METTL15: variants seen among roughly 807,000 people sequenced by gnomAD.
METTL15 encodes the protein methyltransferase 15, mitochondrial 12S rRNA N4-cytidine, also known as 12S rRNA N(4)-cytidine methyltransferase METTL15.
In METTL15, 34 loss-of-function variants were observed where a neutral mutation model predicts 38.3. The observed-to-expected ratio is 0.89, with a 90% CI of 0.68 to 1.18. METTL15 has a LOEUF of 1.18. METTL15 is among the 50% of genes most tolerant of loss of function. The pLI is 0.00. For missense variants in METTL15, 438 were observed against 498.4 expected (o/e 0.88, Z 1.15); for synonymous variants, 162 against 170.9 (o/e 0.95, Z 0.41).
At chr11:28,313,485 A>G (rs1288711219) in intron 6 of METTL15, among the ~76,000 whole-genome samples, 3 of 151,890 alleles carry the variant, frequency 2.0e-5, no homozygotes, top group Admixed American at 2.0e-4. Flanking sequence ...AAAGTACAGG[A>G]TTTTTATTTT....
chr11:28,451,453 C>T (rs745688936), intron 6 of METTL15, among the ~76,000 whole-genome samples: 2 of 151,718 alleles, frequency 1.3e-5, no homozygotes, highest in African/African-American at 2.4e-5. Flanking sequence ...GGCGTGGTGG[C>T]GGGCACCTGT....
chr11:28,160,510 A>G (rs191135218), intron 3 of METTL15, among the ~76,000 whole-genome samples: 109 of 152,190 alleles, frequency 7.2e-4, no homozygotes, highest in African/African-American at 2.4e-3. Context: ...GATTTCCTTG[A>G]TATTCTTTAT....
intron 3 of METTL15, among the ~76,000 whole-genome samples, chr11:28,204,669 T>A (rs1229123002): frequency 6.6e-6 from 1 of 151,900 alleles, no homozygotes; most frequent in African/African-American, 2.4e-5. Flanking sequence ...ACTTACTAGT[T>A]TAGTGCAGTC....
chr11:28,469,600 C>A (rs942809467), intron 6 of METTL15, among the ~76,000 whole-genome samples: 3 of 152,072 alleles, frequency 2.0e-5, no homozygotes, highest in Non-Finnish European at 4.4e-5. Flanking sequence ...GCTTCAGATT[C>A]TTCATCTGTA....
intron 3 of METTL15, among the ~76,000 whole-genome samples, chr11:28,165,313 A>G (rs1353350045): frequency 2.0e-5 from 3 of 152,088 alleles, no homozygotes; most frequent in African/African-American, 7.2e-5. Flanking sequence ...AAGGGCAAGG[A>G]TTATTATTTC....
intron 5 of METTL15, among the ~76,000 whole-genome samples, chr11:28,364,549 T>A (rs1850168809): frequency 1.3e-5 from 2 of 152,204 alleles, no homozygotes; most frequent in Admixed American, 1.3e-4. Context: ...GAACTTTTAC[T>A]CAATTCATTT....
chr11:28,421,256 G>A (rs755064984), intron 5 of METTL15, among the ~76,000 whole-genome samples: 7 of 152,012 alleles, frequency 4.6e-5, no homozygotes, highest in Admixed American at 1.3e-4. Flanking sequence ...AGGTCTTGGC[G>A]GATTCACTGC....
intron 4 of METTL15, among the ~76,000 whole-genome samples, chr11:28,215,320 T>G (rs1852816185): frequency 6.6e-6 from 1 of 151,978 alleles, no homozygotes; most frequent in Non-Finnish European, 1.5e-5. Flanking sequence ...AGAAAAAAGG[T>G]TCTGGTTTCT....
At chr11:28,446,401 A>G (rs1048942194) in intron 6 of METTL15, among the ~76,000 whole-genome samples, 1 of 152,032 alleles carries the variant, frequency 6.6e-6, no homozygotes, top group Non-Finnish European at 1.5e-5. Context: ...TTGATCACTA[A>G]CTTCCTCAAG....
intron 4 of METTL15, among the ~76,000 whole-genome samples, chr11:28,356,585 G>T (rs1850092169): frequency 6.6e-6 from 1 of 152,186 alleles, no homozygotes; most frequent in South Asian, 2.1e-4. Flanking sequence ...CAAGCCAGGT[G>T]CTCTAACTGG....
At chr11:28,510,667 G>T (rs1851666602) in intron 6 of METTL15, among the ~76,000 whole-genome samples, 1 of 152,148 alleles carries the variant, frequency 6.6e-6, no homozygotes, top group Non-Finnish European at 1.5e-5. Flanking sequence ...GGTTTAGAGA[G>T]GTTGATGACG....
At chr11:28,437,370 C>T (rs1432137448) in intron 6 of METTL15, among the ~76,000 whole-genome samples, 1 of 152,148 alleles carries the variant, frequency 6.6e-6, no homozygotes, top group African/African-American at 2.4e-5. Flanking sequence ...ATATTAGGTG[C>T]TTAATAGATA....
At chr11:28,117,792 T>C (rs527593597) in intron 3 of METTL15, among the ~76,000 whole-genome samples, 238 of 152,314 alleles carry the variant, frequency 1.6e-3, no homozygotes, top group Non-Finnish European at 2.4e-3. Context: ...CTTCAAGTAA[T>C]AAAGAACTGG....
chr11:28,451,630 G>A (rs1193420454), intron 6 of METTL15, among the ~76,000 whole-genome samples: 1 of 152,070 alleles, frequency 6.6e-6, no homozygotes. Flanking sequence ...GTATATTAGT[G>A]AATGGATTTG....
At chr11:28,276,336 C>T (rs577952847) in intron 4 of METTL15, among the ~76,000 whole-genome samples, 11 of 152,100 alleles carry the variant, frequency 7.2e-5, no homozygotes, top group African/African-American at 2.7e-4. Context: ...GAAGGCAATT[C>T]CACTTACAAT....
At chr11:28,407,660 A>T (rs146934667) in intron 5 of METTL15, among the ~76,000 whole-genome samples, 157 of 152,220 alleles carry the variant, frequency 1.0e-3, no homozygotes, top group Non-Finnish European at 1.4e-3. Context: ...GAAACAACAG[A>T]TGTTGGTGAG....
At chr11:28,194,161 T>TTTCTTTCC (rs1851812503) in intron 3 of METTL15, among the ~76,000 whole-genome samples, 1 of 99,690 alleles carries the variant, frequency 1.0e-5, no homozygotes, top group Non-Finnish European at 1.9e-5. Context: ...TCTTTCTTTC[T>TTTCTTTCC]TTCTTTCTTT....
chr11:28,453,238 G>A (rs1851138518), intron 6 of METTL15, among the ~76,000 whole-genome samples: 1 of 152,196 alleles, frequency 6.6e-6, no homozygotes, highest in African/African-American at 2.4e-5. Context: ...TACTCAGTCA[G>A]TAAACTCATT....
intron 3 of METTL15, 52 bp from the exon 4 acceptor site, chr11:28,211,010 G>T: frequency 6.5e-7 from 1 of 1,545,510 alleles, no homozygotes; most frequent in Non-Finnish European, 8.7e-7. Context: ...TAGTTGTCAA[G>T]AATAAGTTTT....
Sources: allele counts gnomAD v4.1 joint callset (sites outside exome capture counted in the v4.1 genomes callset), GRCh38; gene constraint gnomAD v4.1.1; transcripts MANE v1.5; gene names NCBI Gene and HGNC (gene_info 2026-07-23, HGNC 2026-07-21).